The following CTNNA2 variants were observed in gnomAD, a reference collection of about 807,000 sequenced individuals.
CTNNA2 encodes catenin alpha 2.
A neutral mutation model predicts 101.0 loss-of-function variants in CTNNA2; 42 were observed. The observed-to-expected ratio is 0.42, with a 90% CI of 0.32 to 0.54. The LOEUF is 0.54. CTNNA2 is among the 20% of genes least tolerant of loss of function. The pLI is 0.14. For missense variants in CTNNA2, 871 were observed against 1,223.1 expected, an observed-to-expected ratio of 0.71 and a Z score of 4.29; for synonymous variants, 450 against 456.4, an observed-to-expected ratio of 0.99 and a Z score of 0.18.
chr2:80,271,456 C>T (rs1166276075), intron 7 of CTNNA2, among the ~76,000 whole-genome samples: 1 of 148,508 alleles, frequency 6.7e-6, no homozygotes, highest in Non-Finnish European at 1.5e-5. Context: ...GAGTCTCGCT[C>T]TTTAGCTCAG....
rs371769555 is a variant in CTNNA2 at position 79,713,899 on chromosome 2, C to T, written c.103-30488C>T. On this transcript the variant is annotated intron_variant, in intron 2 of 18. Coordinates refer to ENST00000402739, the MANE Select transcript of CTNNA2 (RefSeq NM_001282597.3). ...AAGAATTTAAATTCTACCTAGGAGC[C>T]CCTCATTGATTTCTTTGCTTATCTG... 1.2e-4 allele frequency among the ~76,000 whole-genome samples: 18 copies of T among 151,980 alleles called. No individual in the cohort carries two copies. In the East Asian group the frequency reaches 1.9e-3, roughly 16 times the overall value.
At position 79,227,276 on chromosome 2, in the gene CTNNA2, A is replaced by T. The variant is rs186168537; in HGVS notation, c.-406+29200A>T. Among the ~76,000 whole-genome samples the T allele has an allele frequency of 2.6e-5, 4 of 152,316 alleles. No individual in the cohort carries two copies. In the East Asian group the frequency reaches 7.7e-4, roughly 29 times the overall value. Reference sequence around the variant, plus strand: ...CAAACATCATGGGTCAACGTATGCAATGAACCCAGGGGTAGGACTAGAAGG... The same window carrying T: ...CAAACATCATGGGTCAACGTATGCATTGAACCCAGGGGTAGGACTAGAAGG... On this transcript the variant is annotated intron_variant, in intron 2 of 21. Coordinates refer to the CTNNA2 transcript ENST00000466387.
intron 7 of CTNNA2, among the ~76,000 whole-genome samples, chr2:80,262,853 C>T (rs1672714664): frequency 6.6e-6 from 1 of 152,032 alleles, no homozygotes; most frequent in Admixed American, 6.6e-5. Context: ...AACTAAAAAT[C>T]AGGACCCTTT....
At chr2:79,694,380 A>G (rs951550754) in intron 2 of CTNNA2, among the ~76,000 whole-genome samples, 2 of 152,002 alleles carry the variant, frequency 1.3e-5, no homozygotes, top group Non-Finnish European at 2.9e-5. Context: ...GATTGCAATA[A>G]TATCTCCAGC....
intron 7 of CTNNA2, among the ~76,000 whole-genome samples, chr2:80,095,098 G>A (rs554968331): frequency 5.3e-5 from 8 of 152,210 alleles, no homozygotes; most frequent in Admixed American, 1.3e-4. Context: ...CAAAGGGAAT[G>A]CTTCCAGTTA....
At chr2:80,194,285 A>C (rs1706698787) in intron 7 of CTNNA2, among the ~76,000 whole-genome samples, 1 of 152,216 alleles carries the variant, frequency 6.6e-6, no homozygotes, top group South Asian at 2.1e-4. Flanking sequence ...CTGATGCTTC[A>C]GATTAGGAGG....
chr2:80,259,571 T>G (rs1338265722), intron 7 of CTNNA2, among the ~76,000 whole-genome samples: 3 of 152,146 alleles, frequency 2.0e-5, no homozygotes, highest in African/African-American at 7.2e-5. Context: ...AGTGTGTGGT[T>G]TTAACCCTTT....
chr2:79,347,705 A>G (rs897556437), intron 3 of CTNNA2, among the ~76,000 whole-genome samples: 18 of 152,090 alleles, frequency 1.2e-4, no homozygotes, highest in Admixed American at 5.9e-4. Context: ...TGAGGATTCA[A>G]TGATCTTTCT....
At chr2:80,605,068 C>A (rs1697887566) in intron 16 of CTNNA2, 1 of 151,912 alleles carries the variant, frequency 6.6e-6, no homozygotes, top group South Asian at 2.1e-4. Flanking sequence ...TTATTCTAAC[C>A]CAGACTCAGA....
intron 2 of CTNNA2, among the ~76,000 whole-genome samples, chr2:79,730,197 C>G (rs2104914800): frequency 6.6e-6 from 1 of 152,142 alleles, no homozygotes; most frequent in East Asian, 1.9e-4. Context: ...CTTTGATTTT[C>G]TTATCTGAGT....
intron 1 of CTNNA2, among the ~76,000 whole-genome samples, chr2:79,638,673 G>A (rs1484745919): frequency 6.6e-6 from 1 of 152,148 alleles, no homozygotes; most frequent in African/African-American, 2.4e-5. Context: ...CATGAGGCAG[G>A]TCTATTAGGC....
chr2:79,247,532 T>G (rs1216584707), intron 2 of CTNNA2, among the ~76,000 whole-genome samples: 1 of 152,172 alleles, frequency 6.6e-6, no homozygotes, highest in Non-Finnish European at 1.5e-5. Flanking sequence ...TATTTTTTTG[T>G]CTGCAATTCT....
intron 2 of CTNNA2, among the ~76,000 whole-genome samples, chr2:79,198,913 T>C (rs1250539128): frequency 6.6e-6 from 1 of 152,174 alleles, no homozygotes; most frequent in African/African-American, 2.4e-5. Context: ...AGGAAACTGG[T>C]AAGATGTTAC....
At chr2:79,408,566 G>C (rs1161479184) in intron 4 of CTNNA2, among the ~76,000 whole-genome samples, 2 of 149,186 alleles carry the variant, frequency 1.3e-5, no homozygotes, top group East Asian at 4.0e-4. Flanking sequence ...TTGGTTTTTT[G>C]TCCTTGCGAT....
chr2:80,526,264 A>G (rs1690022739), intron 9 of CTNNA2, among the ~76,000 whole-genome samples: 1 of 152,086 alleles, frequency 6.6e-6, no homozygotes, highest in Non-Finnish European at 1.5e-5. Context: ...CAGTGGTGCG[A>G]TCTCAGCTCA....
intron 7 of CTNNA2, among the ~76,000 whole-genome samples, chr2:80,156,827 T>G (rs1304391863): frequency 6.6e-6 from 1 of 152,226 alleles, no homozygotes; most frequent in Admixed American, 6.5e-5. Context: ...GAACCATACT[T>G]ACTTTCTCTT....
chr2:79,837,013 C>T (rs895930703), intron 3 of CTNNA2, among the ~76,000 whole-genome samples: 20 of 152,088 alleles, frequency 1.3e-4, no homozygotes, highest in African/African-American at 3.4e-4. Context: ...AGGACGAATT[C>T]GTAAGTATTG....
At chr2:80,119,051 C>T (rs1402343146) in intron 7 of CTNNA2, among the ~76,000 whole-genome samples, 1 of 152,210 alleles carries the variant, frequency 6.6e-6, no homozygotes, top group Non-Finnish European at 1.5e-5. Context: ...CAATCAAATA[C>T]TAACCAACCA....
chr2:80,297,912 A>G (rs566110464), intron 7 of CTNNA2, among the ~76,000 whole-genome samples: 3 of 152,232 alleles, frequency 2.0e-5, no homozygotes, highest in African/African-American at 7.2e-5. Flanking sequence ...TGAAGAAGAA[A>G]GTATTAGGAT....
Sources: allele counts gnomAD v4.1 joint callset (sites outside exome capture counted in the v4.1 genomes callset), GRCh38; gene constraint gnomAD v4.1.1; transcripts MANE v1.5; gene names NCBI Gene and HGNC (gene_info 2026-07-23, HGNC 2026-07-21).